The following KIAA1217 variants were observed in gnomAD, a reference collection of about 807,000 sequenced individuals.
The protein encoded by KIAA1217 is KIAA1217.
Under a neutral mutation model 163.9 loss-of-function variants are expected in KIAA1217, and 88 were observed. The observed-to-expected ratio is 0.54, with a 90% CI of 0.45 to 0.64. KIAA1217 has a LOEUF of 0.64. Among genes scored for constraint, KIAA1217 ranks in the 30% least tolerant of loss-of-function variants. The pLI is 0.00. For missense variants in KIAA1217, 2,372 were observed against 2,475.0 expected, an observed-to-expected ratio of 0.96 and a Z score of 0.88; for synonymous variants, 903 against 923.1, an observed-to-expected ratio of 0.98 and a Z score of 0.39.
At chr10:24,190,266 A>G (rs2066655416) in intron 2 of KIAA1217, among the ~76,000 whole-genome samples, 1 of 152,110 alleles carries the variant, frequency 6.6e-6, no homozygotes, top group African/African-American at 2.4e-5. Context: ...GACTGGGGAA[A>G]GTCAAAGCTA....
At chr10:23,848,416 A>T (rs1447264877) in intron 1 of KIAA1217, among the ~76,000 whole-genome samples, 1 of 151,590 alleles carries the variant, frequency 6.6e-6, no homozygotes, top group Non-Finnish European at 1.5e-5. Context: ...TGTTCATGGA[A>T]CCCTTTACCA....
At chr10:24,470,095 A>T (rs1249184577) in intron 5 of KIAA1217, among the ~76,000 whole-genome samples, 2 of 152,114 alleles carry the variant, frequency 1.3e-5, no homozygotes, top group African/African-American at 4.8e-5. Flanking sequence ...GTGTAATCTG[A>T]TTATGTGGAG....
intron 2 of KIAA1217, among the ~76,000 whole-genome samples, chr10:24,227,139 A>G (rs2070680398): frequency 1.1e-5 from 1 of 94,980 alleles, no homozygotes; most frequent in Non-Finnish European, 2.2e-5. Context: ...GAGAGATATA[A>G]AGGGATTATT....
intron 2 of KIAA1217, among the ~76,000 whole-genome samples, chr10:24,335,535 T>G (rs953265519): frequency 2.0e-5 from 3 of 151,770 alleles, no homozygotes; most frequent in Non-Finnish European, 4.4e-5. Flanking sequence ...CCTGTGAATA[T>G]GCTAAAAACC....
chr10:24,285,770 A>G (rs753448317), intron 2 of KIAA1217, among the ~76,000 whole-genome samples: 5 of 152,152 alleles, frequency 3.3e-5, no homozygotes, highest in Admixed American at 6.5e-5. Flanking sequence ...ATAGTGTTGA[A>G]TCTTTAGATT....
chr10:23,952,890 G>C (rs905668815), intron 1 of KIAA1217, among the ~76,000 whole-genome samples: 24 of 152,170 alleles, frequency 1.6e-4, no homozygotes, highest in African/African-American at 5.3e-4. Context: ...ACTTGGCTCA[G>C]ATGGTGTAGA....
intron 2 of KIAA1217, among the ~76,000 whole-genome samples, chr10:24,249,306 A>G (rs2074210812): frequency 6.6e-6 from 1 of 152,238 alleles, no homozygotes; most frequent in Admixed American, 6.6e-5. Flanking sequence ...TTAGTTGGTT[A>G]ACCTGAAAAA....
intron 1 of KIAA1217, among the ~76,000 whole-genome samples, chr10:24,211,917 C>A (rs1490961513): frequency 6.6e-6 from 1 of 151,772 alleles, no homozygotes; most frequent in Non-Finnish European, 1.5e-5. Context: ...AGGCATAGTG[C>A]CCTGTAGTCC....
intron 2 of KIAA1217, among the ~76,000 whole-genome samples, chr10:24,366,143 A>T (rs1434171292): frequency 1.3e-5 from 2 of 152,172 alleles, no homozygotes; most frequent in Non-Finnish European, 2.9e-5. Flanking sequence ...TTTTTTAAAA[A>T]GTTAAGTTGC....
rs185238500 is a variant in KIAA1217, at chr10:23,846,870, T to C, written c.-321+151636T>C. ...CATTCAGTATGATATTGGCTGTGGG[T>C]TTGTCATAAATAGCTCCTATTATTT... is the stretch of plus-strand genomic sequence containing the variant. On this transcript the variant is annotated intron_variant, in intron 1 of 18. Transcript: ENST00000376462. Among the ~76,000 whole-genome samples, 978 of 152,204 alleles carry C rather than the reference T, an allele frequency of 6.4e-3. 34 individuals carry two copies. The highest frequency in any genetic ancestry group is 0.044 in the Admixed American group (677 of 15,288).
chr10:23,784,887 A>G (rs967832646), intron 1 of KIAA1217, among the ~76,000 whole-genome samples: 12 of 151,992 alleles, frequency 7.9e-5, no homozygotes, highest in African/African-American at 2.9e-4. Context: ...CTTTTCCCCT[A>G]TGTGAATCCC....
intron 2 of KIAA1217, chr10:24,158,756 G>A: frequency 2.0e-6 from 1 of 493,248 alleles, no homozygotes; most frequent in Non-Finnish European, 4.1e-6. Flanking sequence ...TGAAAATCTT[G>A]TATCCAAAGC....
intron 1 of KIAA1217, among the ~76,000 whole-genome samples, chr10:23,825,380 C>G (rs1186054858): frequency 6.6e-6 from 1 of 152,174 alleles, no homozygotes; most frequent in Non-Finnish European, 1.5e-5. Context: ...TTTGCATCCT[C>G]TTTAAATGGT....
At chr10:23,788,912 A>G (rs1383765454) in intron 1 of KIAA1217, among the ~76,000 whole-genome samples, 1 of 152,256 alleles carries the variant, frequency 6.6e-6, no homozygotes, top group African/African-American at 2.4e-5. Context: ...GAGGCTTCAG[A>G]TGACCATAGA....
At chr10:23,735,245 T>C (rs1281719211) in intron 1 of KIAA1217, among the ~76,000 whole-genome samples, 1 of 151,946 alleles carries the variant, frequency 6.6e-6, no homozygotes, top group Non-Finnish European at 1.5e-5. Flanking sequence ...ATTTATTTAT[T>C]TATTTTGAGA....
At chr10:24,211,871 T>G (rs1341799663) in intron 1 of KIAA1217, among the ~76,000 whole-genome samples, 1 of 151,678 alleles carries the variant, frequency 6.6e-6, no homozygotes, top group Admixed American at 6.6e-5. Flanking sequence ...CTGGGCAGCA[T>G]AGTGAGACCC....
intron 3 of KIAA1217, among the ~76,000 whole-genome samples, chr10:24,384,799 G>T (rs751664991): frequency 6.6e-6 from 1 of 152,242 alleles, no homozygotes; most frequent in Non-Finnish European, 1.5e-5. Context: ...GCCTCCTAAA[G>T]TGCTGGGATT....
chr10:24,188,757 C>T (rs907668083), intron 2 of KIAA1217, among the ~76,000 whole-genome samples: 2 of 152,084 alleles, frequency 1.3e-5, no homozygotes, highest in Admixed American at 1.3e-4. Flanking sequence ...TGGAGGAGAC[C>T]GGACACTTTC....
intron 2 of KIAA1217, among the ~76,000 whole-genome samples, chr10:24,197,878 A>G (rs1383043985): frequency 2.0e-5 from 3 of 152,248 alleles, no homozygotes; most frequent in Non-Finnish European, 4.4e-5. Context: ...CTTTTTGTGC[A>G]TGAAATGCAT....
Sources: gnomAD v4.1 joint callset for allele counts (sites outside exome capture counted in the v4.1 genomes callset) on GRCh38, gnomAD v4.1.1 for gene constraint, MANE v1.5 for transcripts, NCBI Gene and HGNC (gene_info 2026-07-23, HGNC 2026-07-21) for gene names.